CAND2: variants seen among roughly 807,000 people sequenced by gnomAD.
CAND2 encodes cullin associated and neddylation dissociated 2 (putative).
A neutral mutation model predicts 98.9 loss-of-function variants in CAND2; 62 were observed. That is an observed-to-expected ratio of 0.63 (90% confidence interval 0.51 to 0.77). The LOEUF (loss-of-function observed/expected upper bound fraction) is 0.77. Among genes scored for constraint, CAND2 ranks in the 30% least tolerant of loss-of-function variants. CAND2 has a pLI of 0.00. For synonymous variants in CAND2, 770 were observed against 731.9 expected, an observed-to-expected ratio of 1.05 and a Z score of -0.84; for missense variants, 1,501 against 1,655.2, an observed-to-expected ratio of 0.91 and a Z score of 1.62.
intron 11 of CAND2, 124 bp downstream of exon 11, chr3:12,820,305 G>T (rs1338106519): frequency 3.0e-6 from 2 of 657,894 alleles, no homozygotes; most frequent in African/African-American, 3.7e-5. Flanking sequence ...GCCCATGATG[G>T]GCAGCAGGGC....
intron 1 of CAND2, among the ~76,000 whole-genome samples, chr3:12,798,061 TTC>T (rs1441268779): frequency 6.6e-6 from 1 of 151,536 alleles, no homozygotes; most frequent in East Asian, 1.9e-4. Context: ...CTCCCTGTGC[TTC>T]TGTTTCTATA....
chr3:12,823,709 G>C (rs972985575), intron 11 of CAND2, among the ~76,000 whole-genome samples: 1 of 147,848 alleles, frequency 6.8e-6, no homozygotes, highest in Non-Finnish European at 1.5e-5. Context: ...CAGTCTGGGC[G>C]ACAGAGCGAG....
At chr3:12,830,666 T>C (rs2124875456) in intron 13 of CAND2, among the ~76,000 whole-genome samples, 1 of 152,314 alleles carries the variant, frequency 6.6e-6, no homozygotes, top group African/African-American at 2.4e-5. Context: ...AGCCCACAGC[T>C]TTGCGTCATC....
At chr3:12,809,502 G>T (rs1433115278) in intron 4 of CAND2, among the ~76,000 whole-genome samples, 1 of 152,150 alleles carries the variant, frequency 6.6e-6, no homozygotes, top group Non-Finnish European at 1.5e-5. Context: ...ATGTTTACAG[G>T]ACAGAAAATG....
At chr3:12,823,259 G>A (rs2061971958) in intron 11 of CAND2, among the ~76,000 whole-genome samples, 1 of 147,542 alleles carries the variant, frequency 6.8e-6, no homozygotes, top group Non-Finnish European at 1.5e-5. Context: ...GGGTGGTTAT[G>A]TGGATCATTT....
In CAND2 at chr3:12,817,693, G is replaced by A; in HGVS notation, c.2761G>A (p.Ala921Thr). 1 of 1,600,236 alleles carries A rather than the reference G, an allele frequency of 6.2e-7. No individual in the cohort carries two copies. The highest frequency in any genetic ancestry group is 8.5e-7 in the Non-Finnish European group (1 of 1,172,872). The stretch of plus-strand genomic sequence containing the variant: ...CCTGCTGCTGCACTCACTCAGGGAG[G>A]CCCTGGGGGCCGCCCAGCCTGACAG... ...QYLLLHSLREALGAAQPDSLK... is the reference protein window; with the variant it reads ...QYLLLHSLRETLGAAQPDSLK... Residue 921 changes from alanine to threonine, a missense_variant, in exon 10 of 15, where the codon GCC becomes ACC. This residue lies in a region of CAND2 where 1,427 missense variants were observed against 1,545.3 expected (regional missense o/e 0.92). Transcript: ENST00000456430.
At chr3:12,832,871 T>C (rs1247712550) in intron 14 of CAND2, 1 of 152,252 alleles carries the variant, frequency 6.6e-6, no homozygotes, top group African/African-American at 2.4e-5. Context: ...GGGAATGTTA[T>C]CTGCACAGTA....
rs2061901003 is a variant in CAND2, at chr3:12,816,360, C to T, written c.1442-14C>T. 8 of 1,598,446 alleles carry T rather than the reference C, an allele frequency of 5.0e-6. No individual in the cohort carries two copies. Among genetic ancestry groups the T allele is most frequent in the African/African-American group, 1.3e-5 (1 of 74,904 alleles). On this transcript the variant is annotated splice_polypyrimidine_tract_variant and intron_variant, in intron 9 of 14. Transcript: ENST00000456430. Reference sequence around the variant, plus strand: ...AGAGGCGGTGGCCTCATAACCTTTGCATTCACCCTGCAGGCATCATCTTCT... The same window carrying T: ...AGAGGCGGTGGCCTCATAACCTTTGTATTCACCCTGCAGGCATCATCTTCT...
At chr3:12,827,646 A>G in intron 13 of CAND2, 42 bp downstream of exon 13, 1 of 1,555,646 alleles carries the variant, frequency 6.4e-7, no homozygotes, top group African/African-American at 1.4e-5. Context: ...CCCCTGTACC[A>G]AGGGATAGTC....
intron 13 of CAND2, among the ~76,000 whole-genome samples, chr3:12,828,187 A>T (rs1388778721): frequency 1.3e-5 from 2 of 152,054 alleles, no homozygotes; most frequent in Non-Finnish European, 2.9e-5. Flanking sequence ...GGGCTGGTGG[A>T]GACGTCGGTT....
intron 11 of CAND2, among the ~76,000 whole-genome samples, chr3:12,823,165 C>T (rs6776625): frequency 0.58 from 87,671 of 152,070 alleles, 25,590 homozygotes; most frequent in Non-Finnish European, 0.62. Flanking sequence ...AACTAATACT[C>T]GTGTGTAGTT....
At chr3:12,824,792 C>T (rs2061986784) in intron 11 of CAND2, among the ~76,000 whole-genome samples, 1 of 152,176 alleles carries the variant, frequency 6.6e-6, no homozygotes, top group Admixed American at 6.6e-5. Context: ...CCTGTAATCC[C>T]AGGTACTTGG....
chr3:12,824,539 G>A (rs907396336), intron 11 of CAND2, among the ~76,000 whole-genome samples: 1 of 152,200 alleles, frequency 6.6e-6, no homozygotes, highest in Non-Finnish European at 1.5e-5. Flanking sequence ...TCACCCTCGT[G>A]ACCTAATCAC....
chr3:12,817,090 A>T lies in CAND2; in HGVS notation c.2158A>T (p.Thr720Ser). The T allele has an allele frequency of 1.2e-6, 2 of 1,612,898 alleles. No homozygotes were observed. Among genetic ancestry groups the T allele is most frequent in the Non-Finnish European group, 1.7e-6 (2 of 1,179,972 alleles). The change falls in exon 10 of 15, where the codon ACA becomes TCA. Residue 720 changes from threonine to serine, a missense_variant. By Grantham distance (58) the Thr-to-Ser change is moderately conservative. Transcript: ENST00000456430. ...VAQLAVDFLATVTQAQPASLV... is the reference protein window; with the variant it reads ...VAQLAVDFLASVTQAQPASLV... ...CCAGCTGGCTGTGGACTTCCTTGCC[A>T]CAGTGACCCAGGCCCAGCCAGCCTC...
At position 12,834,038 on chromosome 3, in the gene CAND2, G is replaced by T. The variant is rs943012953; in HGVS notation, c.*56G>T. 1 of 1,420,468 alleles carries T rather than the reference G, an allele frequency of 7.0e-7. No individual in the cohort carries two copies. The highest frequency in any genetic ancestry group is 9.9e-7 in the Non-Finnish European group (1 of 1,009,156). The allele number at this position is 1,420,468 out of a possible 1,614,324, so 88.0% of individuals were successfully genotyped here. A position where few individuals can be genotyped will look rare whatever the true frequency, so the allele number is the denominator to read the frequency against. ...AAGAGAAAGGAGCCCACCCAAGTCCGAGGCCTCCCCATCCCACCATCGCAG... is the reference window on the plus strand; with the variant it reads ...AAGAGAAAGGAGCCCACCCAAGTCCTAGGCCTCCCCATCCCACCATCGCAG... On this transcript the variant is annotated 3_prime_UTR_variant, in exon 15 of 15. Transcript: ENST00000456430.
chr3:12,813,263 G>A lies in CAND2; in HGVS notation c.881G>A (p.Gly294Asp), dbSNP rs62637650. 1 of 1,613,390 alleles carries A rather than the reference G, an allele frequency of 6.2e-7. No homozygotes were observed. Among genetic ancestry groups the A allele is most frequent in the Non-Finnish European group, 8.5e-7 (1 of 1,179,964 alleles). The change falls in exon 7 of 15, where the codon GGT becomes GAT. Residue 294 changes from glycine to aspartate, a missense_variant. Physicochemically the swap from Gly to Asp is moderately conservative, Grantham distance 94. Around this residue, in one of 3 missense-constraint regions of CAND2, gnomAD observed 1,427 missense variants for 1,545.3 expected, o/e 0.92. Transcript: ENST00000456430. ...AFLRKCPKEM[G>D]PHVPNVTSLC... ...CCCCACAGGTGCCCCAAGGAAATGG[G>A]TCCTCACGTGCCCAACGTGACCAGC...
rs750521408 is a variant in CAND2, at chr3:12,815,248, G to A, written c.1114G>A (p.Asp372Asn). The A allele has an allele frequency of 4.5e-5, 73 of 1,613,742 alleles. No homozygotes were observed. Among genetic ancestry groups the A allele is most frequent in the South Asian group, 6.6e-5 (6 of 91,078 alleles). ...LISSRPDLLP[D>N]FHCTLAPVLI... ...CAGCTCGCGGCCTGACCTGCTGCCCGATTTCCACTGCACCCTGGCACCTGT... is the reference window on the plus strand; with the variant it reads ...CAGCTCGCGGCCTGACCTGCTGCCCAATTTCCACTGCACCCTGGCACCTGT... The change falls in exon 8 of 15, where the codon GAT becomes AAT. Residue 372 changes from aspartate (D) to asparagine (N), a missense_variant. This residue lies in a region of CAND2 where 1,427 missense variants were observed against 1,545.3 expected (regional missense o/e 0.92). Transcript: ENST00000456430. This position sits in a 1 kb window ranked among gnomAD's most constrained non-coding sequence, Gnocchi z 5.7.
intron 5 of CAND2, among the ~76,000 whole-genome samples, chr3:12,811,121 GGGT>G (rs142174492): frequency 0.023 from 3,460 of 150,484 alleles, 120 homozygotes; most frequent in African/African-American, 0.079. Flanking sequence ...ACACGGCGGG[GGGT>G]GGGGGGGGGA....
intron 5 of CAND2, among the ~76,000 whole-genome samples, chr3:12,811,348 C>T (rs908437651): frequency 6.6e-6 from 1 of 152,108 alleles, no homozygotes; most frequent in African/African-American, 2.4e-5. Flanking sequence ...TCTTCTTATG[C>T]TGTAGGGAAG....
Sources: allele counts gnomAD v4.1 joint callset (sites outside exome capture counted in the v4.1 genomes callset), GRCh38; gene constraint gnomAD v4.1.1; regional missense constraint gnomAD v4.1.1; non-coding constraint Gnocchi (gnomAD v3.1); transcripts MANE v1.5; gene names NCBI Gene and HGNC (gene_info 2026-07-23, HGNC 2026-07-21).